PHF24: variants seen among roughly 807,000 people sequenced by gnomAD.
The protein encoded by PHF24 is PHD finger protein 24, also known as Galpha inhibitory interacting protein.
In PHF24, 25 loss-of-function variants were observed where a neutral mutation model predicts 42.6. That is an observed-to-expected ratio of 0.59 (90% confidence interval 0.43 to 0.82). The LOEUF is 0.82. Among genes scored for constraint, PHF24 ranks in the 40% least tolerant of loss-of-function variants. The probability of loss-of-function intolerance (pLI) is 0.00; values close to 1 mark genes in which losing one functional copy is unlikely to be tolerated. For missense variants in PHF24, 470 were observed against 538.1 expected, an observed-to-expected ratio of 0.87 and a Z score of 1.25; for synonymous variants, 185 against 204.8, an observed-to-expected ratio of 0.90 and a Z score of 0.83.
chr9:34,690,154 A>C, the PHF24 span: 6 of 1,603,940 alleles, frequency 3.7e-6, no homozygotes, highest in Non-Finnish European at 5.1e-6. Flanking sequence ...AGAAGGTGGG[A>C]GTCTCAACAG....
At chr9:34,921,741 T>C in the PHF24 span, among the ~76,000 whole-genome samples, 2 of 152,214 alleles carry the variant, frequency 1.3e-5, no homozygotes, top group Admixed American at 6.5e-5. Context: ...TATCTGTTTC[T>C]ACCACAGCCT....
the PHF24 span, among the ~76,000 whole-genome samples, chr9:34,831,503 C>T: frequency 6.6e-6 from 1 of 152,114 alleles, no homozygotes; most frequent in Non-Finnish European, 1.5e-5. Flanking sequence ...CTTCAGTGCT[C>T]AACACCCTGC....
the PHF24 span, among the ~76,000 whole-genome samples, chr9:34,779,918 G>A: frequency 2.0e-5 from 3 of 152,126 alleles, no homozygotes; most frequent in African/African-American, 7.2e-5. Flanking sequence ...TAGAGATGGG[G>A]TTTCACCATG....
At chr9:34,981,257 T>C (rs1827381606) in exon 8 of PHF24, 2 of 152,256 alleles carry the variant, frequency 1.3e-5, no homozygotes, top group Admixed American at 1.3e-4. Flanking sequence ...CCCTATGGGA[T>C]GTCACCCTGA....
At position 34,972,415 on chromosome 9, in the gene PHF24, TGCACCAG is replaced by T; in HGVS notation, c.450_456del (p.Cys150TrpfsTer22). On this transcript the variant is annotated frameshift_variant, in exon 3 of 8. Transcript: ENST00000242315. LOFTEE classifies it high-confidence loss of function. ...TGAGAGCCTCTTCCCGTGCAGGGTC[TGCACCAG>T]GGTTTTCCATGATGGCTGCCTGCGC... 1 of 1,614,152 alleles carries T rather than the reference TGCACCAG, an allele frequency of 6.2e-7. No individual in the cohort carries two copies. Among genetic ancestry groups the T allele is most frequent in the Non-Finnish European group, 8.5e-7 (1 of 1,179,992 alleles).
chr9:34,976,055 A>C, intron 3 of PHF24, 97 bp from the exon 4 acceptor site: 1 of 833,072 alleles, frequency 1.2e-6, no homozygotes, highest in Non-Finnish European at 2.1e-6. Context: ...ATGATCTTGG[A>C]ACTGCTTTCC....
chr9:34,709,192 C>T, the PHF24 span: 1 of 659,882 alleles, frequency 1.5e-6, no homozygotes, highest in Non-Finnish European at 2.6e-6. Flanking sequence ...CTGGACCTGG[C>T]CTGCTGTGGG....
chr9:34,709,532 G>T, the PHF24 span: 3 of 1,614,086 alleles, frequency 1.9e-6, no homozygotes, highest in East Asian at 6.7e-5. Flanking sequence ...TTCCTTTCTT[G>T]CCAGTCTTGG....
the PHF24 span, among the ~76,000 whole-genome samples, chr9:34,671,310 A>G: frequency 6.6e-6 from 1 of 152,222 alleles, no homozygotes; most frequent in African/African-American, 2.4e-5. Context: ...GTCTGAGTCC[A>G]GTGGGAGAAC....
the PHF24 span, chr9:34,690,108 T>C: frequency 1.3e-6 from 2 of 1,583,768 alleles, no homozygotes; most frequent in South Asian, 2.2e-5. Context: ...AGGGATTTCC[T>C]TGAAGGGGTT....
the PHF24 span, among the ~76,000 whole-genome samples, chr9:34,707,541 C>T: frequency 1.3e-5 from 2 of 152,092 alleles, no homozygotes; most frequent in African/African-American, 4.8e-5. Flanking sequence ...CACCTGCTGC[C>T]CTAGGACAGG....
At chr9:34,959,235 A>G (rs1016027781) in intron 1 of PHF24, among the ~76,000 whole-genome samples, 1 of 152,232 alleles carries the variant, frequency 6.6e-6, no homozygotes, top group Non-Finnish European at 1.5e-5. Flanking sequence ...AGGTGGAATA[A>G]CTGACTTTGG....
chr9:34,665,850 G>A, the PHF24 span: 1 of 602,664 alleles, frequency 1.7e-6, no homozygotes. Context: ...GGCACTGGAA[G>A]TTAAGGGGTG....
chr9:34,971,482 G>C, exon 2 of PHF24: 1 of 1,614,212 alleles, frequency 6.2e-7, no homozygotes, highest in Non-Finnish European at 8.5e-7. Context: ...GAAGGAAGCA[G>C]AAGCAGGAAC....
At chr9:34,667,049 T>TA in the PHF24 span, among the ~76,000 whole-genome samples, 2 of 152,144 alleles carry the variant, frequency 1.3e-5, no homozygotes, top group Non-Finnish European at 2.9e-5. Flanking sequence ...GTGAGATTCT[T>TA]ACTATAAATG....
chr9:34,924,412 T>G, the PHF24 span, among the ~76,000 whole-genome samples: 1 of 152,242 alleles, frequency 6.6e-6, no homozygotes, highest in African/African-American at 2.4e-5. Flanking sequence ...GGTCTATCTC[T>G]CTAGCTGTAA....
the PHF24 span, among the ~76,000 whole-genome samples, chr9:34,882,305 G>A: frequency 6.6e-6 from 1 of 152,154 alleles, no homozygotes; most frequent in South Asian, 2.1e-4. Context: ...ACTGGCACAA[G>A]ACAAGGATGC....
chr9:34,866,974 G>A, the PHF24 span, among the ~76,000 whole-genome samples: 2 of 152,146 alleles, frequency 1.3e-5, no homozygotes, highest in South Asian at 4.1e-4. Context: ...AAATCCTCCT[G>A]GCCTCAGCTC....
At chr9:34,957,607 C>T (rs1450946438), upstream of PHF24, 3 of 152,214 alleles carry the variant, frequency 2.0e-5, no homozygotes, top group Admixed American at 2.0e-4. Flanking sequence ...ACCAATAATC[C>T]CAGAAAACAG....
Sources: gnomAD v4.1 joint callset for allele counts (sites outside exome capture counted in the v4.1 genomes callset) on GRCh38, gnomAD v4.1.1 for gene constraint, MANE v1.5 for transcripts, NCBI Gene and HGNC (gene_info 2026-07-23, HGNC 2026-07-21) for gene names.